Variants in CNTN4 observed in about 807,000 individuals in gnomAD.
The protein encoded by CNTN4 is contactin 4, also known as contactin-4.
A neutral mutation model predicts 122.5 loss-of-function variants in CNTN4; 77 were observed. That is an observed-to-expected ratio of 0.63 (90% CI 0.52 to 0.76). The LOEUF (loss-of-function observed/expected upper bound fraction) is 0.76. Among genes scored for constraint, CNTN4 ranks in the 30% least tolerant of loss-of-function variants. The pLI is 0.00. For missense variants in CNTN4, 1,256 were observed against 1,259.1 expected (o/e 1.00, Z 0.04); for synonymous variants, 512 against 447.0 (o/e 1.15, Z -1.83).
intron 2 of CNTN4, among the ~76,000 whole-genome samples, chr3:2,168,650 AC>A (rs1574984696): frequency 6.6e-6 from 1 of 152,128 alleles, no homozygotes; most frequent in African/African-American, 2.4e-5. Context: ...AATTAAAAAT[AC>A]CCCATATTTG....
rs1431991738 is a variant in CNTN4 at position 3,030,914 on chromosome 3, T to C, written c.1722T>C (p.Tyr574=). The C allele has an allele frequency of 4.3e-6, 7 of 1,614,136 alleles. No individual in the cohort carries two copies. In the Admixed American group the frequency reaches 6.7e-5, roughly 15 times the overall value. ...RNIQLKHAGK[Y]VCMVQTSVDR... ...TCCAACTGAAGCATGCTGGGAAATATGTCTGCATGGTCCAAACAAGTGTGG... is the reference window on the plus strand; with the variant it reads ...TCCAACTGAAGCATGCTGGGAAATACGTCTGCATGGTCCAAACAAGTGTGG... Residue 574 remains tyrosine, a synonymous_variant, in exon 16 of 25, where the codon TAT becomes TAC. Transcript: ENST00000418658.
intron 2 of CNTN4, among the ~76,000 whole-genome samples, chr3:2,228,246 G>T (rs1406300277): frequency 1.3e-5 from 2 of 151,234 alleles, no homozygotes; most frequent in Non-Finnish European, 3.0e-5. Context: ...CTTCTTTTTT[G>T]TGTTGCCCCC....
At chr3:2,112,939 G>A (rs1433141448) in intron 2 of CNTN4, among the ~76,000 whole-genome samples, 1 of 152,130 alleles carries the variant, frequency 6.6e-6, no homozygotes, top group Admixed American at 6.5e-5. Flanking sequence ...TCCCCTGTTA[G>A]GTAATTTCCA....
chr3:2,338,669 A>C (rs899926650), intron 2 of CNTN4, among the ~76,000 whole-genome samples: 1 of 152,212 alleles, frequency 6.6e-6, no homozygotes, highest in East Asian at 1.9e-4. Flanking sequence ...TGAGGCAAAA[A>C]TTATTTCACA....
chr3:2,580,854 C>T (rs1356187800), intron 4 of CNTN4, among the ~76,000 whole-genome samples: 1 of 152,144 alleles, frequency 6.6e-6, no homozygotes, highest in Admixed American at 6.5e-5. Context: ...ATCCTAAGTT[C>T]ATAGATAAGG....
At chr3:3,050,548 G>A (rs1445258254) in intron 23 of CNTN4, among the ~76,000 whole-genome samples, 1 of 152,010 alleles carries the variant, frequency 6.6e-6, no homozygotes, top group African/African-American at 2.4e-5. Flanking sequence ...TGGATCACCT[G>A]AGGTCAGGAG....
chr3:2,423,740 G>A (rs1021361173), intron 3 of CNTN4, among the ~76,000 whole-genome samples: 18 of 151,772 alleles, frequency 1.2e-4, no homozygotes, highest in Admixed American at 4.6e-4. Flanking sequence ...CTGATTTTTT[G>A]CTCTCTTTTA....
At chr3:2,577,312 G>A (rs184530415) in intron 4 of CNTN4, among the ~76,000 whole-genome samples, 27 of 152,316 alleles carry the variant, frequency 1.8e-4, no homozygotes, top group Admixed American at 1.8e-3. Flanking sequence ...TAACAGAGAT[G>A]ATTGGAGAGT....
At chr3:2,783,249 C>G (rs2091679836) in intron 6 of CNTN4, among the ~76,000 whole-genome samples, 1 of 152,052 alleles carries the variant, frequency 6.6e-6, no homozygotes, top group African/African-American at 2.4e-5. Context: ...TACCATGTCA[C>G]TGCACTCCAG....
intron 2 of CNTN4, among the ~76,000 whole-genome samples, chr3:2,105,092 G>A (rs781086197): frequency 2.5e-4 from 38 of 152,248 alleles, no homozygotes; most frequent in Non-Finnish European, 5.4e-4. Flanking sequence ...GAGATGCTTT[G>A]CTTTTTCTCA....
At chr3:2,187,915 A>G (rs1269462061) in intron 2 of CNTN4, among the ~76,000 whole-genome samples, 1 of 152,108 alleles carries the variant, frequency 6.6e-6, no homozygotes, top group Non-Finnish European at 1.5e-5. Context: ...TTGACACCAT[A>G]GTTTTATGGA....
chr3:2,351,882 A>T (rs1029338268), intron 3 of CNTN4, among the ~76,000 whole-genome samples: 12 of 152,018 alleles, frequency 7.9e-5, no homozygotes, highest in African/African-American at 2.7e-4. Context: ...AGACAAGAGG[A>T]ATAGGTTTTG....
rs184975691 is a variant in CNTN4 at position 2,625,294 on chromosome 3, A to G, written c.55+53736A>G. Reference sequence around the variant, plus strand: ...CCTGGACATCTTGGGACCTCTTCATAGGATGGCTTGTATATTCTATTCTAA... The same window carrying G: ...CCTGGACATCTTGGGACCTCTTCATGGGATGGCTTGTATATTCTATTCTAA... On this transcript the variant is annotated intron_variant, in intron 4 of 24. Transcript: ENST00000418658. Among the ~76,000 whole-genome samples, 60 of 152,314 alleles carry G rather than the reference A, an allele frequency of 3.9e-4. 1 individual carries two copies. The East Asian group carries it at 0.011, about 28-fold the overall frequency.
chr3:2,972,907 C>T lies in CNTN4; in HGVS notation c.1359-15438C>T, dbSNP rs1048329443. On this transcript the variant is annotated intron_variant, in intron 13 of 24. Transcript: ENST00000418658. ...ACCAAGACATTTTTAATAGTAAGAG[C>T]TTCCTGCTCCTTTCTTAAGCTCTTC... 5.3e-5 allele frequency among the ~76,000 whole-genome samples: 8 copies of T among 152,080 alleles called. No homozygotes were observed. The South Asian group carries it at 1.0e-3, about 20-fold the overall frequency.
chr3:2,274,861 A>G (rs2041440155), intron 2 of CNTN4, among the ~76,000 whole-genome samples: 1 of 149,734 alleles, frequency 6.7e-6, no homozygotes, highest in African/African-American at 2.4e-5. Context: ...TTCCTAGAAC[A>G]TAATGCTAGG....
chr3:2,135,263 G>A (rs1431366642), intron 2 of CNTN4, among the ~76,000 whole-genome samples: 1 of 152,164 alleles, frequency 6.6e-6, no homozygotes, highest in African/African-American at 2.4e-5. Flanking sequence ...GACAGGAAGA[G>A]ATGGGGTTAA....
intron 4 of CNTN4, among the ~76,000 whole-genome samples, chr3:2,639,629 G>T (rs920644369): frequency 1.3e-5 from 2 of 152,148 alleles, no homozygotes; most frequent in African/African-American, 4.8e-5. Flanking sequence ...TGAGAATAGT[G>T]CCTGGCACAC....
intron 4 of CNTN4, among the ~76,000 whole-genome samples, chr3:2,612,107 TACACACACACACACACACAC>T (rs58025362): frequency 6.7e-6 from 1 of 150,104 alleles, no homozygotes; most frequent in Admixed American, 6.7e-5. Context: ...ATACATATAA[TACACACACACACACACACAC>T]ACACACACAC....
intron 13 of CNTN4, among the ~76,000 whole-genome samples, chr3:2,941,044 C>T (rs1256330060): frequency 6.6e-6 from 1 of 152,140 alleles, no homozygotes; most frequent in Non-Finnish European, 1.5e-5. Context: ...AGGTTGACTG[C>T]TCTTAATATC....
Sources: gnomAD v4.1 joint callset for allele counts (sites outside exome capture counted in the v4.1 genomes callset) on GRCh38, gnomAD v4.1.1 for gene constraint, MANE v1.5 for transcripts, NCBI Gene and HGNC (gene_info 2026-07-23, HGNC 2026-07-21) for gene names.